The following MAGI2 variants were observed in gnomAD, a reference collection of about 807,000 sequenced individuals.
MAGI2 encodes membrane-associated guanylate kinase, WW and PDZ domain-containing protein 2.
In MAGI2, 35 loss-of-function variants were observed where a neutral mutation model predicts 133.3. The observed-to-expected ratio is 0.26, with a 90% CI of 0.20 to 0.35. MAGI2 has a LOEUF of 0.35. MAGI2 is among the 10% of genes least tolerant of loss of function. MAGI2 has a pLI of 1.00. For missense variants in MAGI2, 1,636 were observed against 1,863.4 expected, an observed-to-expected ratio of 0.88 and a Z score of 2.25; for synonymous variants, 729 against 710.6, an observed-to-expected ratio of 1.03 and a Z score of -0.41.
chr7:78,409,949 G>C (rs1003433823), intron 6 of MAGI2, among the ~76,000 whole-genome samples: 12 of 152,034 alleles, frequency 7.9e-5, no homozygotes, highest in African/African-American at 2.9e-4. Context: ...TGATTAGAAA[G>C]AGTAGAAAAG....
At chr7:79,055,675 AAATTT>A (rs768950158) in intron 1 of MAGI2, among the ~76,000 whole-genome samples, 1 of 152,206 alleles carries the variant, frequency 6.6e-6, no homozygotes, top group Non-Finnish European at 1.5e-5. Flanking sequence ...ATGTATATTC[AAATTT>A]AATTTAAAAG....
intron 2 of MAGI2, among the ~76,000 whole-genome samples, chr7:78,794,894 T>C (rs1475803413): frequency 1.3e-5 from 2 of 152,022 alleles, no homozygotes; most frequent in African/African-American, 4.8e-5. Flanking sequence ...TTATTCCTAA[T>C]GAAAAAAAAA....
At position 78,126,960 on chromosome 7, in the gene MAGI2, C is replaced by T. The variant is rs117616208; in HGVS notation, c.3423+237G>A. Reference sequence around the variant, plus strand: ...AGTTTATTCCATTACTACTCATCCGCTATTTATTTATGTATTTATCCATAT... The same window carrying T: ...AGTTTATTCCATTACTACTCATCCGTTATTTATTTATGTATTTATCCATAT... On this transcript the variant is annotated intron_variant, in intron 19 of 21. Transcript: ENST00000354212. Among the ~76,000 whole-genome samples the T allele has an allele frequency of 0.025, 3,807 of 152,282 alleles. 70 individuals are homozygous for T. The highest frequency in any genetic ancestry group is 0.033 in the Non-Finnish European group (2,260 of 68,018).
intron 1 of MAGI2, among the ~76,000 whole-genome samples, chr7:79,087,579 G>A (rs150792756): frequency 6.6e-6 from 1 of 152,008 alleles, no homozygotes; most frequent in Admixed American, 6.6e-5. Context: ...TGTGTTATAT[G>A]TTACTCAAGT....
chr7:79,079,228 C>T (rs1472349562), intron 1 of MAGI2, among the ~76,000 whole-genome samples: 1 of 152,130 alleles, frequency 6.6e-6, no homozygotes, highest in African/African-American at 2.4e-5. Flanking sequence ...TTGTGCATAA[C>T]TAATGTGCAT....
At chr7:78,536,788 T>C (rs939872861) in intron 3 of MAGI2, among the ~76,000 whole-genome samples, 3 of 148,872 alleles carry the variant, frequency 2.0e-5, no homozygotes, top group Non-Finnish European at 3.0e-5. Flanking sequence ...GGAGACAGAG[T>C]CTTGCTCTGT....
At position 78,545,210 on chromosome 7, in the gene MAGI2, TTC is replaced by T. The variant is rs375888495; in HGVS notation, c.539-23567_539-23566del. The stretch of plus-strand genomic sequence containing the variant: ...GCCAAATAATCTGATAATAACCTGA[TTC>T]TTTTTTTTTTTTTTTTTTTTTTGAG... On this transcript the variant is annotated intron_variant, in intron 3 of 21. Coordinates refer to ENST00000354212, the MANE Select transcript of MAGI2 (RefSeq NM_012301.4). Among the ~76,000 whole-genome samples the T allele has an allele frequency of 4.0e-3, 470 of 117,442 alleles. 5 individuals carry two copies. Among genetic ancestry groups the T allele is most frequent in the African/African-American group, 0.015 (445 of 30,456 alleles). The allele number at this position is 117,442 out of a possible 152,430, so 77.0% of individuals were successfully genotyped here. A position where few individuals can be genotyped will look rare whatever the true frequency, so the allele number is the denominator to read the frequency against.
In MAGI2 at chr7:78,461,395, T is replaced by C. The variant is rs983199056; in HGVS notation, c.1045+28366A>G. The stretch of plus-strand genomic sequence containing the variant: ...AGATTCCTGGACACGTGTGTGTGCG[T>C]GTGTGTGTGTGTGTGTGTGTGTGTG... On this transcript the variant is annotated intron_variant, in intron 6 of 21. Transcript: ENST00000354212. 7.4e-5 allele frequency among the ~76,000 whole-genome samples: 7 copies of C among 94,446 alleles called. No individual in the cohort carries two copies. In the East Asian group the frequency reaches 1.1e-3, roughly 15 times the overall value. The allele number at this position is 94,446 out of a possible 152,430, so 62.0% of individuals were successfully genotyped here.
Position 78,178,094 on chromosome 7 carries a change from A to C in MAGI2, c.2320T>G (p.Tyr774Asp), listed in dbSNP as rs748563461. 1.2e-6 allele frequency: 2 copies of C among 1,611,276 alleles called. No individual in the cohort carries two copies. The highest frequency in any genetic ancestry group is 1.7e-6 in the Non-Finnish European group (2 of 1,177,654). ...CGAAGATGAACATCCAATTCCTTAT[A>C]ATCTGGACCTGGCATAAAGGAGATC... ...SFRMDSSGPDYKELDVHLRRM... is the reference protein window; with the variant it reads ...SFRMDSSGPDDKELDVHLRRM... The change falls in exon 14 of 22, where the codon TAT becomes GAT. Residue 774 changes from tyrosine to aspartate, a missense_variant. Physicochemically the swap from Tyr to Asp is radical, Grantham distance 160 (BLOSUM62 -3). Coordinates refer to ENST00000354212, the MANE Select transcript of MAGI2 (RefSeq NM_012301.4).
intron 2 of MAGI2, among the ~76,000 whole-genome samples, chr7:78,983,593 T>G (rs1360568276): frequency 6.6e-6 from 1 of 152,004 alleles, no homozygotes; most frequent in Non-Finnish European, 1.5e-5. Context: ...CCATCCTAAA[T>G]AGTCTTGCAT....
chr7:78,202,675 T>C (rs1401253935), intron 10 of MAGI2, among the ~76,000 whole-genome samples: 1 of 109,288 alleles, frequency 9.2e-6, no homozygotes, highest in Non-Finnish European at 1.8e-5. Context: ...AGAGTGAGAC[T>C]CTGTCTCAAA....
At chr7:78,446,689 C>A (rs1168200552) in intron 6 of MAGI2, among the ~76,000 whole-genome samples, 1 of 125,298 alleles carries the variant, frequency 8.0e-6, no homozygotes, top group Non-Finnish European at 1.7e-5. Context: ...GCACTCTTTA[C>A]AGATGGTCAT....
At chr7:78,050,989 A>G (rs1811948471) in intron 21 of MAGI2, among the ~76,000 whole-genome samples, 1 of 152,222 alleles carries the variant, frequency 6.6e-6, no homozygotes, top group South Asian at 2.1e-4. Flanking sequence ...TGGAGCCAGA[A>G]GCTAGTGGTC....
intron 2 of MAGI2, among the ~76,000 whole-genome samples, chr7:78,963,484 T>A (rs1803036926): frequency 6.6e-6 from 1 of 152,086 alleles, no homozygotes; most frequent in African/African-American, 2.4e-5. Flanking sequence ...CACCATTTCT[T>A]TCTTTCATAT....
intron 2 of MAGI2, among the ~76,000 whole-genome samples, chr7:78,855,751 A>C (rs1054266480): frequency 6.6e-6 from 1 of 152,166 alleles, no homozygotes; most frequent in African/African-American, 2.4e-5. Context: ...AGGATTTATA[A>C]TCCTTTGGGT....
At chr7:78,566,174 T>C (rs1416166769) in intron 3 of MAGI2, among the ~76,000 whole-genome samples, 1 of 152,070 alleles carries the variant, frequency 6.6e-6, no homozygotes, top group East Asian at 1.9e-4. Flanking sequence ...CAGAACCATG[T>C]GAGCAAAGGC....
intron 1 of MAGI2, among the ~76,000 whole-genome samples, chr7:79,241,167 T>A (rs577409148): frequency 6.6e-6 from 1 of 152,264 alleles, no homozygotes; most frequent in African/African-American, 2.4e-5. Context: ...AGTGTGATGA[T>A]GGAGTGAACA....
At chr7:79,161,858 A>G (rs1198285267) in intron 1 of MAGI2, among the ~76,000 whole-genome samples, 1 of 152,136 alleles carries the variant, frequency 6.6e-6, no homozygotes, top group African/African-American at 2.4e-5. Flanking sequence ...AAACAAAACA[A>G]TTAGAGACAC....
intron 6 of MAGI2, among the ~76,000 whole-genome samples, chr7:78,443,649 CTAGG>C (rs1412790741): frequency 6.6e-6 from 1 of 152,108 alleles, no homozygotes; most frequent in Non-Finnish European, 1.5e-5. Context: ...AGGAAAATCA[CTAGG>C]TATCTTCTGA....
Sources: allele counts gnomAD v4.1 joint callset (sites outside exome capture counted in the v4.1 genomes callset), GRCh38; gene constraint gnomAD v4.1.1; transcripts MANE v1.5; gene names NCBI Gene and HGNC (gene_info 2026-07-23, HGNC 2026-07-21).